Variants in DNAH17 observed in about 807,000 individuals in gnomAD.
DNAH17 encodes the protein dynein axonemal heavy chain 17.
Under a neutral mutation model 485.6 loss-of-function variants are expected in DNAH17, and 376 were observed. The observed-to-expected ratio is 0.77, with a 90% CI of 0.71 to 0.84. DNAH17 has a LOEUF of 0.84. Among genes scored for constraint, DNAH17 ranks in the 40% least tolerant of loss-of-function variants. The pLI is 0.00. For synonymous variants in DNAH17, 3,031 were observed against 2,405.9 expected, an observed-to-expected ratio of 1.26 and a Z score of -7.60; for missense variants, 6,370 against 5,839.3, an observed-to-expected ratio of 1.09 and a Z score of -2.96.
At chr17:78,493,590 T>C (rs1396880781) in intron 41 of DNAH17, among the ~76,000 whole-genome samples, 6 of 152,148 alleles carry the variant, frequency 3.9e-5, no homozygotes, top group African/African-American at 1.2e-4. Flanking sequence ...TCTCAAACAA[T>C]AGCAGAAGGG....
intron 71 of DNAH17, among the ~76,000 whole-genome samples, chr17:78,443,931 C>T (rs759130052): frequency 2.0e-5 from 3 of 152,188 alleles, no homozygotes; most frequent in African/African-American, 7.2e-5. Context: ...AGAAGCCAGA[C>T]AGGCCACAGG....
chr17:78,430,524 TTGA>T (rs1049013645), intron 75 of DNAH17, among the ~76,000 whole-genome samples: 52 of 152,348 alleles, frequency 3.4e-4, no homozygotes, highest in African/African-American at 1.2e-3. Flanking sequence ...TAAGAATCAG[TTGA>T]TGAATCAATC....
At chr17:78,560,211 A>G (rs1218217738) in intron 13 of DNAH17, among the ~76,000 whole-genome samples, 1 of 152,204 alleles carries the variant, frequency 6.6e-6, no homozygotes, top group Non-Finnish European at 1.5e-5. Context: ...GTAGGTGCTC[A>G]GTAAGTATTT....
At chr17:78,439,689 A>AGACG (rs1837272217) in intron 72 of DNAH17, among the ~76,000 whole-genome samples, 2 of 32,242 alleles carry the variant, frequency 6.2e-5, no homozygotes, top group South Asian at 2.0e-3. Flanking sequence ...TTTTTTTTTG[A>AGACG]GATGGAGTCT....
At chr17:78,447,761 G>T (rs78554005) in intron 69 of DNAH17, among the ~76,000 whole-genome samples, 18,089 of 152,132 alleles carry the variant, frequency 0.12, 1,362 homozygotes, top group African/African-American at 0.21. Context: ...GGACCCCATT[G>T]GTTCAAAGTT....
At chr17:78,443,276 C>A (rs555446292) in intron 71 of DNAH17, among the ~76,000 whole-genome samples, 1 of 152,228 alleles carries the variant, frequency 6.6e-6, no homozygotes, top group Non-Finnish European at 1.5e-5. Context: ...CACACTCCCA[C>A]AGGAGAGGGT....
At chr17:78,473,543 CAA>C (rs758795883) in intron 54 of DNAH17, among the ~76,000 whole-genome samples, 6 of 55,440 alleles carry the variant, frequency 1.1e-4, no homozygotes, top group Non-Finnish European at 1.4e-4. Context: ...GACTCTGTCT[CAA>C]AAAAAAAAAA....
At chr17:78,571,912 T>C (rs1156595455) in intron 3 of DNAH17, 130 bp from the exon 4 acceptor site, 3 of 860,736 alleles carry the variant, frequency 3.5e-6, no homozygotes, top group Non-Finnish European at 3.5e-6. Flanking sequence ...CTCATGTCCC[T>C]GGTGCCTCCA....
intron 42 of DNAH17, among the ~76,000 whole-genome samples, chr17:78,492,280 G>A (rs2089894788): frequency 6.6e-6 from 1 of 151,974 alleles, no homozygotes; most frequent in Admixed American, 6.6e-5. Context: ...CCCACCGACT[G>A]AGGCCAGGGC....
chr17:78,459,022 G>C lies in DNAH17; in HGVS notation c.9840C>G (p.Ser3280=), dbSNP rs2087951160. The change falls in exon 61 of 81, where the codon TCC becomes TCG. Residue 3280 remains serine (S), a synonymous_variant. Coordinates refer to ENST00000389840, the MANE Select transcript of DNAH17 (RefSeq NM_173628.4). ...AELAEAQEKL[S]RIKNKIAELN... ...TTACGGCAATCTTGTTTTTGATCCG[G>C]GACAGCTTCTCTTGTGCCTCTGCCA... 1 of 1,614,014 alleles carries C rather than the reference G, an allele frequency of 6.2e-7. No homozygotes were observed. Among genetic ancestry groups the C allele is most frequent in the Non-Finnish European group, 8.5e-7 (1 of 1,179,894 alleles).
In DNAH17 at chr17:78,428,923, TTAAA is replaced by T. The variant is rs1207570976; in HGVS notation, c.12405+194_12405+197del. Among the ~76,000 whole-genome samples the T allele has an allele frequency of 7.6e-3, 602 of 79,222 alleles. 1 individual carries two copies. The highest frequency in any genetic ancestry group is 0.029 in the Middle Eastern group (5 of 174). 52.0% of individuals were successfully genotyped at this position (79,222 alleles called of 152,430 possible). A position where few individuals can be genotyped will look rare whatever the true frequency, so the allele number is the denominator to read the frequency against. On this transcript the variant is annotated intron_variant, in intron 76 of 80. Transcript: ENST00000389840. The stretch of plus-strand genomic sequence containing the variant: ...CTTCCCTGAGGCTGCATTTCTTTCT[TTAAA>T]AAAAAAAAAAAAAAAAAAAGGTTGT...
rs1284106372 is a variant in DNAH17 at position 78,526,970 on chromosome 17, G to A, written c.3534C>T (p.Thr1178=). Reference sequence around the variant, plus strand: ...GCTTCACCTGAATGGCCAGTTTCTTGGTATTTGCCCAGTGCTCCGGCAGCT... The same window carrying A: ...GCTTCACCTGAATGGCCAGTTTCTTAGTATTTGCCCAGTGCTCCGGCAGCT... ...LQELPEHWAN[T]KKLAIQVKLT... The change falls in exon 23 of 81, where the codon ACC becomes ACT. Residue 1178 remains threonine, a synonymous_variant. Transcript: ENST00000389840. 6.3e-6 allele frequency: 10 copies of A among 1,586,528 alleles called. No homozygotes were observed. The highest frequency in any genetic ancestry group is 2.7e-5 in the African/African-American group (2 of 74,568).
At position 78,426,513 on chromosome 17, in the gene DNAH17, A is replaced by C; in HGVS notation, c.12859T>G (p.Tyr4287Asp). 1 of 1,613,544 alleles carries C rather than the reference A, an allele frequency of 6.2e-7. No individual in the cohort carries two copies. The highest frequency in any genetic ancestry group is 8.5e-7 in the Non-Finnish European group (1 of 1,179,654). ...GCCGCCAGGCCCATCATGGAGGGGTAGGCCCGGGCCACCCACGTATCAGGC... is the reference window on the plus strand; with the variant it reads ...GCCGCCAGGCCCATCATGGAGGGGTCGGCCCGGGCCACCCACGTATCAGGC... Reference protein sequence around the residue: ...TVPDTWVARAYPSMMGLAAWY... With the variant: ...TVPDTWVARADPSMMGLAAWY... The change falls in exon 79 of 81, where the codon TAC becomes GAC. Residue 4287 changes from tyrosine to aspartate, a missense_variant. Physicochemically the swap from Tyr to Asp is radical, Grantham distance 160. Transcript: ENST00000389840.
chr17:78,445,838 G>A (rs932043545), intron 69 of DNAH17, among the ~76,000 whole-genome samples, 158 bp from the exon 70 acceptor site: 5 of 152,134 alleles, frequency 3.3e-5, no homozygotes, highest in African/African-American at 1.2e-4. Context: ...TCTTCACCTC[G>A]TCTCGCTTTT....
rs1417892236 is a variant in DNAH17 at position 78,459,840 on chromosome 17, G to A, written c.9597C>T (p.Asp3199=). The change falls in exon 60 of 81, where the codon GAC becomes GAT. Residue 3199 remains aspartate, a synonymous_variant. Coordinates refer to ENST00000389840, the MANE Select transcript of DNAH17 (RefSeq NM_173628.4). The stretch of plus-strand genomic sequence containing the variant: ...GCTCCTTGTCGAACTTCTTCAGGGA[G>A]TCTAGGAAGGTGTCCACCTTGCCCA... The part of the protein sequence containing the change: ...IMMGKVDTFL[D]SLKKFDKEHI... 5 of 1,614,054 alleles carry A rather than the reference G, an allele frequency of 3.1e-6. No individual in the cohort carries two copies. The highest frequency in any genetic ancestry group is 1.1e-5 in the South Asian group (1 of 91,088).
chr17:78,470,753 G>A (rs541082097), intron 54 of DNAH17, among the ~76,000 whole-genome samples: 16 of 152,238 alleles, frequency 1.1e-4, no homozygotes, highest in African/African-American at 3.9e-4. Context: ...TACCACATAT[G>A]CAAAAGGAAA....
chr17:78,538,763 G>A (rs1598670868), intron 18 of DNAH17, among the ~76,000 whole-genome samples: 2 of 152,164 alleles, frequency 1.3e-5, no homozygotes, highest in South Asian at 4.1e-4. Flanking sequence ...TTTTGGGTCT[G>A]TGACTGGTTA....
At chr17:78,479,230 A>C (rs2089241623) in intron 50 of DNAH17, 114 bp from the exon 51 acceptor site, 2 of 1,131,538 alleles carry the variant, frequency 1.8e-6, no homozygotes, top group Middle Eastern at 2.0e-4. Context: ...TGGAGTAAGA[A>C]ATCTGCACAG....
intron 15 of DNAH17, 50 bp from the exon 16 acceptor site, chr17:78,551,688 G>T: frequency 6.3e-7 from 1 of 1,579,608 alleles, no homozygotes; most frequent in Non-Finnish European, 8.7e-7. Context: ...TTCAGGCTGG[G>T]CGCGGTGGCT....
Sources: gnomAD v4.1 joint callset for allele counts (sites outside exome capture counted in the v4.1 genomes callset) on GRCh38, gnomAD v4.1.1 for gene constraint, MANE v1.5 for transcripts, NCBI Gene and HGNC (gene_info 2026-07-23, HGNC 2026-07-21) for gene names.